The following EPB41L3 variants were observed in gnomAD, a reference collection of about 807,000 sequenced individuals.
EPB41L3 encodes the protein band 4.1-like protein 3.
A neutral mutation model predicts 127.1 loss-of-function variants in EPB41L3; 57 were observed. The observed-to-expected ratio is 0.45, with a 90% confidence interval of 0.36 to 0.56. The LOEUF is 0.56. Among genes scored for constraint, EPB41L3 ranks in the 20% least tolerant of loss-of-function variants. The probability of loss-of-function intolerance (pLI) is 0.00; values close to 1 mark genes in which losing one functional copy is unlikely to be tolerated. For synonymous variants in EPB41L3, 572 were observed against 549.5 expected, an observed-to-expected ratio of 1.04 and a Z score of -0.57; for missense variants, 1,273 against 1,372.2, an observed-to-expected ratio of 0.93 and a Z score of 1.14.
At chr18:5,456,719 T>G (rs1268736743) in intron 3 of EPB41L3, among the ~76,000 whole-genome samples, 1 of 152,230 alleles carries the variant, frequency 6.6e-6, no homozygotes, top group Non-Finnish European at 1.5e-5. Flanking sequence ...AGTATTGTTT[T>G]CTAACATTCC....
intron 5 of EPB41L3, among the ~76,000 whole-genome samples, chr18:5,441,333 T>C (rs1329239728): frequency 6.6e-6 from 1 of 152,160 alleles, no homozygotes; most frequent in Non-Finnish European, 1.5e-5. Context: ...GAAGTGGAGA[T>C]GATGGTACAA....
chr18:5,577,465 C>T (rs2094347664), intron 3 of EPB41L3: 7 of 367,510 alleles, frequency 1.9e-5, no homozygotes, highest in Non-Finnish European at 3.7e-5. Flanking sequence ...CTGTGAAACA[C>T]AGAAAGATCC....
intron 3 of EPB41L3, among the ~76,000 whole-genome samples, chr18:5,551,565 T>C (rs2093965088): frequency 6.6e-6 from 1 of 151,964 alleles, no homozygotes; most frequent in Non-Finnish European, 1.5e-5. Context: ...ACAAAAAATT[T>C]TACAATTAGC....
At chr18:5,607,027 T>C (rs1196637140) in intron 3 of EPB41L3, among the ~76,000 whole-genome samples, 3 of 152,180 alleles carry the variant, frequency 2.0e-5, no homozygotes, top group African/African-American at 7.2e-5. Flanking sequence ...GAATCCAGTC[T>C]ATTTTACTGA....
At chr18:5,408,615 G>A (rs1445635496) in intron 14 of EPB41L3, among the ~76,000 whole-genome samples, 1 of 151,730 alleles carries the variant, frequency 6.6e-6, no homozygotes, top group South Asian at 2.1e-4. Context: ...AATTTGGGAG[G>A]GGAGAAGACA....
At chr18:5,440,736 C>A (rs552263348) in intron 5 of EPB41L3, among the ~76,000 whole-genome samples, 1 of 151,872 alleles carries the variant, frequency 6.6e-6, no homozygotes, top group African/African-American at 2.4e-5. Flanking sequence ...CATAAAAGTG[C>A]GATATATGCT....
At chr18:5,536,843 A>G (rs1186237198) in intron 1 of EPB41L3, among the ~76,000 whole-genome samples, 1 of 152,122 alleles carries the variant, frequency 6.6e-6, no homozygotes, top group Non-Finnish European at 1.5e-5. Context: ...AAAAACAAAC[A>G]AACGAAACAA....
At chr18:5,560,836 G>A (rs2094114933) in intron 3 of EPB41L3, among the ~76,000 whole-genome samples, 1 of 152,050 alleles carries the variant, frequency 6.6e-6, no homozygotes, top group Non-Finnish European at 1.5e-5. Flanking sequence ...GGTCACATGA[G>A]GCAAATCCTT....
chr18:5,394,887 T>C (rs1343911351), intron 21 of EPB41L3, 94 bp from the exon 22 acceptor site: 2 of 1,256,654 alleles, frequency 1.6e-6, no homozygotes, highest in East Asian at 2.3e-5. Flanking sequence ...TAGATCTATA[T>C]CCACAATTTA....
At chr18:5,615,592 A>G (rs1411187662) in intron 1 of EPB41L3, among the ~76,000 whole-genome samples, 1 of 152,198 alleles carries the variant, frequency 6.6e-6, no homozygotes, top group East Asian at 1.9e-4. Flanking sequence ...TCTTAACATT[A>G]GATACTCCAG....
At chr18:5,577,749 T>G (rs2094350588) in intron 3 of EPB41L3, 1 of 154,510 alleles carries the variant, frequency 6.5e-6, no homozygotes, top group Non-Finnish European at 1.4e-5. Context: ...GCATCATCAT[T>G]TTGCTTGATA....
chr18:5,396,227 T>C lies in EPB41L3; in HGVS notation c.2947A>G (p.Lys983Glu). 6.2e-7 allele frequency: 1 copy of C among 1,614,238 alleles called. No individual in the cohort carries two copies. The change falls in exon 19 of 23, where the codon AAA becomes GAA. Residue 983 changes from lysine (K) to glutamate (E), a missense_variant. By Grantham distance (56) the Lys-to-Glu change is moderately conservative. Transcript: ENST00000341928. ...TGTGATGATTCATATGTGATGGTTT[T>C]GGTTTCGGTGTGAACTACTGGCACT... is the stretch of plus-strand genomic sequence containing the variant. ...KEVPVVHTETKTITYESSQVD... is the reference protein window; with the variant it reads ...KEVPVVHTETETITYESSQVD...
intron 3 of EPB41L3, among the ~76,000 whole-genome samples, chr18:5,473,443 C>T (rs1232061421): frequency 1.3e-5 from 2 of 151,700 alleles, no homozygotes; most frequent in Non-Finnish European, 2.9e-5. Flanking sequence ...CAGCAGCAAA[C>T]CTATCTTATG....
chr18:5,535,977 A>G (rs1351218840), intron 1 of EPB41L3, among the ~76,000 whole-genome samples: 1 of 152,104 alleles, frequency 6.6e-6, no homozygotes, highest in Non-Finnish European at 1.5e-5. Context: ...GACCCTGGAT[A>G]TTTTGATTCT....
At chr18:5,511,994 T>G (rs76755164) in intron 1 of EPB41L3, among the ~76,000 whole-genome samples, 14,158 of 152,228 alleles carry the variant, frequency 0.093, 788 homozygotes, top group East Asian at 0.14. Context: ...GGAGATCAGG[T>G]AGCATTAGAA....
chr18:5,549,026 T>G (rs1232055947), upstream of EPB41L3, among the ~76,000 whole-genome samples: 1 of 152,166 alleles, frequency 6.6e-6, no homozygotes, highest in Admixed American at 6.5e-5. Flanking sequence ...CCAGAAGCTA[T>G]CAACAAAAAT....
intron 1 of EPB41L3, among the ~76,000 whole-genome samples, chr18:5,535,608 C>A (rs1415789854): frequency 6.6e-6 from 1 of 152,172 alleles, no homozygotes; most frequent in Non-Finnish European, 1.5e-5. Context: ...ATGCAACTGT[C>A]CGGGCCAGCC....
intron 1 of EPB41L3, among the ~76,000 whole-genome samples, chr18:5,536,929 G>C (rs181170758): frequency 6.6e-6 from 1 of 152,312 alleles, no homozygotes; most frequent in African/African-American, 2.4e-5. Context: ...ATCTACATAT[G>C]AGTCTGTATA....
intron 1 of EPB41L3, among the ~76,000 whole-genome samples, chr18:5,540,093 T>C (rs1939933605): frequency 6.6e-6 from 1 of 152,198 alleles, no homozygotes; most frequent in Admixed American, 6.5e-5. Flanking sequence ...GCTGTTTTAG[T>C]ACAAAGAACA....
Sources: gnomAD v4.1 joint callset for allele counts (sites outside exome capture counted in the v4.1 genomes callset) on GRCh38, gnomAD v4.1.1 for gene constraint, MANE v1.5 for transcripts, NCBI Gene and HGNC (gene_info 2026-07-23, HGNC 2026-07-21) for gene names.